Variants in KIAA1614 observed in about 807,000 individuals in gnomAD.
KIAA1614 encodes the protein KIAA1614, also known as uncharacterized protein KIAA1614.
Under a neutral mutation model 88.7 loss-of-function variants are expected in KIAA1614, and 76 were observed. The ratio of observed to expected loss-of-function variants is 0.86; its 90% confidence interval spans 0.71 to 1.04. The LOEUF is 1.04. KIAA1614 is among the 50% of genes least tolerant of loss of function. The pLI, the probability that KIAA1614 is intolerant of heterozygous loss-of-function variation, is 0.00. For missense variants in KIAA1614, 1,553 were observed against 1,582.5 expected (o/e 0.98, Z 0.32); for synonymous variants, 714 against 675.5 (o/e 1.06, Z -0.88).
chr1:180,921,055 A>G (rs1653943401), intron 3 of KIAA1614, among the ~76,000 whole-genome samples: 1 of 152,166 alleles, frequency 6.6e-6, no homozygotes, highest in African/African-American at 2.4e-5. Flanking sequence ...ACCACCAAAC[A>G]GGCTTTGTGT....
rs1490518069 is a variant in KIAA1614 at position 180,938,624 on chromosome 1, T to C, written c.2831T>C (p.Leu944Pro). Residue 944 changes from leucine to proline, a missense_variant, in exon 6 of 9, where the codon CTG becomes CCG. By Grantham distance (98) the Leu-to-Pro change is moderately conservative. Coordinates refer to ENST00000367588, the MANE Select transcript of KIAA1614 (RefSeq NM_020950.2). Reference protein sequence around the residue: ...TINSTGITLSLSSEESESSKE... With the variant: ...TINSTGITLSPSSEESESSKE... The stretch of plus-strand genomic sequence containing the variant: ...AACTCCACGGGCATCACCCTCTCCC[T>C]GTCCTCAGAGGAGTCAGAGTCCAGC... 10 of 1,614,044 alleles carry C rather than the reference T, an allele frequency of 6.2e-6. No homozygotes were observed. The Admixed American group carries it at 1.0e-4, about 16-fold the overall frequency.
chr1:180,935,193 C>A lies in KIAA1614; in HGVS notation c.1284C>A (p.Ser428Arg). Residue 428 changes from serine to arginine, a missense_variant, in exon 5 of 9, where the codon AGC (serine) becomes AGA (arginine). Transcript: ENST00000367588. The surrounding 1 kb of genome is among the most constrained non-coding windows in gnomAD (Gnocchi z 6.1). Reference protein sequence around the residue: ...CRDSLQNGHTSDSSSGESSGG... With the variant: ...CRDSLQNGHTRDSSSGESSGG... The stretch of plus-strand genomic sequence containing the variant: ...ACAGCCTCCAGAACGGGCACACGAG[C>A]GATTCCTCCAGCGGAGAGTCCAGCG... 1 of 1,486,190 alleles carries A rather than the reference C, an allele frequency of 6.7e-7. No individual in the cohort carries two copies. The highest frequency in any genetic ancestry group is 1.4e-5 in the South Asian group (1 of 72,270). 92.1% of individuals were successfully genotyped at this position (1,486,190 alleles called of 1,614,324 possible).
chr1:180,933,032 G>A (rs944211091), intron 4 of KIAA1614, among the ~76,000 whole-genome samples: 3 of 152,172 alleles, frequency 2.0e-5, no homozygotes, highest in African/African-American at 7.2e-5. Context: ...GAGCCACTGC[G>A]CCTGGCCAGC....
rs182067188 is a variant in KIAA1614 at position 180,931,032 on chromosome 1, A to G, written c.1205+2459A>G. 3.4e-3 allele frequency among the ~76,000 whole-genome samples: 512 copies of G among 152,332 alleles called. 6 individuals are homozygous for G. The highest frequency in any genetic ancestry group is 9.8e-3 in the African/African-American group (407 of 41,572). On this transcript the variant is annotated intron_variant, in intron 4 of 8. Coordinates refer to ENST00000367588, the MANE Select transcript of KIAA1614 (RefSeq NM_020950.2). Reference sequence around the variant, plus strand: ...GGAGGGGCAGGCAGAGCAGTCTCAGAGGGCCTTCTTTATCCTAGGTCTGGC... The same window carrying G: ...GGAGGGGCAGGCAGAGCAGTCTCAGGGGGCCTTCTTTATCCTAGGTCTGGC...
chr1:180,926,169 AT>A (rs898586963), intron 3 of KIAA1614, among the ~76,000 whole-genome samples: 2 of 152,148 alleles, frequency 1.3e-5, no homozygotes, highest in Admixed American at 6.5e-5. Flanking sequence ...CCTTCTAGGA[AT>A]TTTCCAGAGC....
Position 180,949,349 on chromosome 1 carries a change from T to A in KIAA1614, c.*3761T>A, listed in dbSNP as rs994349177. On this transcript the variant is annotated 3_prime_UTR_variant, in exon 9 of 9. Transcript: ENST00000367588. ...GTCCACCCAGCATGAAGCATGGGCA[T>A]CAGGGGGTCCAGCCTGCCCTGGGAG... The A allele has an allele frequency of 2.0e-5, 3 of 152,336 alleles. No homozygotes were observed. Among genetic ancestry groups the A allele is most frequent in the Non-Finnish European group, 2.9e-5 (2 of 68,108 alleles). The allele number at this position is 152,336 out of a possible 1,614,324, so 9.4% of individuals were successfully genotyped here.
chr1:180,928,527 C>T lies in KIAA1614; in HGVS notation c.1159C>T (p.Leu387Phe), dbSNP rs753067965. Residue 387 changes from leucine (L) to phenylalanine (F), a missense_variant, in exon 4 of 9, where the codon CTC becomes TTC. Coordinates refer to ENST00000367588, the MANE Select transcript of KIAA1614 (RefSeq NM_020950.2). ...CCGCATGAAGGCCAGGACCCGGCCC[C>T]TCCGTGCCAGCCATGACATCGTGCC... is the stretch of plus-strand genomic sequence containing the variant. ...RARMKARTRPLRASHDIVPTI... is the reference protein window; with the variant it reads ...RARMKARTRPFRASHDIVPTI... 12 of 1,612,888 alleles carry T rather than the reference C, an allele frequency of 7.4e-6. No individual in the cohort carries two copies. The highest frequency in any genetic ancestry group is 1.0e-5 in the Non-Finnish European group (12 of 1,179,944).
Position 180,935,231 on chromosome 1 carries a change from C to T in KIAA1614, c.1322C>T (p.Pro441Leu), listed in dbSNP as rs144390511. ...GGAGAGTCCAGCGGTGGGCACAGGCCGAGGCGGGGCCCCTCGCCGTCGCAC... is the reference window on the plus strand; with the variant it reads ...GGAGAGTCCAGCGGTGGGCACAGGCTGAGGCGGGGCCCCTCGCCGTCGCAC... ...SSGESSGGHR[P>L]RRGPSPSHVR... Residue 441 changes from proline (P) to leucine (L), a missense_variant, in exon 5 of 9, where the codon CCG becomes CTG. By Grantham distance (98) the Pro-to-Leu change is moderately conservative. Transcript: ENST00000367588. The surrounding 1 kb of genome is among the most constrained non-coding windows in gnomAD (Gnocchi z 6.1). 1.1e-3 allele frequency: 1,636 copies of T among 1,533,990 alleles called. 28 individuals are homozygous for T. The East Asian group carries it at 0.029, about 27-fold the overall frequency.
chr1:180,915,682 G>A (rs1263603410), intron 1 of KIAA1614, among the ~76,000 whole-genome samples: 1 of 152,104 alleles, frequency 6.6e-6, no homozygotes, highest in African/African-American at 2.4e-5. Context: ...AACCAATAGC[G>A]GTCCACAGCC....
chr1:180,932,595 A>T (rs931509205), intron 4 of KIAA1614, among the ~76,000 whole-genome samples: 5 of 152,208 alleles, frequency 3.3e-5, no homozygotes, highest in Non-Finnish European at 7.3e-5. Context: ...AGTTCCAGAA[A>T]ACAGGCTGAC....
Position 180,947,812 on chromosome 1 carries a change from T to G in KIAA1614, c.*2224T>G, listed in dbSNP as rs1386565580. ...TACCTAGAAGAGTCATAAGGAGCAT[T>G]TGGTAAGGCACACAGGAAAGGGCCT... On this transcript the variant is annotated 3_prime_UTR_variant, in exon 9 of 9. Transcript: ENST00000367588. 1 of 152,120 alleles carries G rather than the reference T, an allele frequency of 6.6e-6. No homozygotes were observed. Among genetic ancestry groups the G allele is most frequent in the Non-Finnish European group, 1.5e-5 (1 of 68,012 alleles). 9.4% of individuals were successfully genotyped at this position (152,120 alleles called of 1,614,324 possible).
chr1:180,928,252 G>GCCCCAGGCCCCAGGC, intron 3 of KIAA1614, 178 bp from the exon 4 acceptor site: 1 of 715,208 alleles, frequency 1.4e-6, no homozygotes, highest in Non-Finnish European at 2.2e-6. Flanking sequence ...CCAGCCCCAG[G>GCCCCAGGCCCCAGGC]CCCCAGGCCC....
intron 3 of KIAA1614, among the ~76,000 whole-genome samples, chr1:180,920,668 C>T (rs2102257983): frequency 6.7e-6 from 1 of 149,716 alleles, no homozygotes; most frequent in East Asian, 2.0e-4. Context: ...TAGCTCATGA[C>T]ATGATGGTGA....
chr1:180,913,989 G>C (rs1653720459), intron 1 of KIAA1614: 1 of 152,124 alleles, frequency 6.6e-6, no homozygotes, highest in Admixed American at 6.6e-5. Context: ...TATAAAATAT[G>C]TGCATTCCTG....
In KIAA1614 at chr1:180,951,176, A is replaced by G. The variant is rs908234253; in HGVS notation, c.*5588A>G. On this transcript the variant is annotated 3_prime_UTR_variant, in exon 9 of 9. Coordinates refer to ENST00000367588, the MANE Select transcript of KIAA1614 (RefSeq NM_020950.2). ...GGTAGCCAGAATATTAAAAATTTCT[A>G]GGAAAATTTTTTTATACATAAAGTT... 33 of 152,102 alleles carry G rather than the reference A, an allele frequency of 2.2e-4. No individual in the cohort carries two copies. The highest frequency in any genetic ancestry group is 2.2e-3 in the Admixed American group (33 of 15,230). 9.4% of individuals were successfully genotyped at this position (152,102 alleles called of 1,614,324 possible).
chr1:180,936,658 A>G lies in KIAA1614; in HGVS notation c.2749A>G (p.Asn917Asp). The change falls in exon 5 of 9, where the codon AAC (asparagine) becomes GAC (aspartate). Residue 917 changes from asparagine to aspartate, a missense_variant. Asn to Asp is a conservative substitution (Grantham distance 23, BLOSUM62 1). Transcript: ENST00000367588. The stretch of plus-strand genomic sequence containing the variant: ...CCGGGAACCGGAGCCGCCCCTGGAG[A>G]ACAGCAGAGATGGTAAGGGGCTGCC... Reference protein sequence around the residue: ...CSREPEPPLENSRDGGPQGFL... With the variant: ...CSREPEPPLEDSRDGGPQGFL... 1 of 1,534,600 alleles carries G rather than the reference A, an allele frequency of 6.5e-7. No homozygotes were observed. Among genetic ancestry groups the G allele is most frequent in the Admixed American group, 2.0e-5 (1 of 49,430 alleles).
chr1:180,925,153 C>T (rs952276229), intron 3 of KIAA1614, among the ~76,000 whole-genome samples: 19 of 152,128 alleles, frequency 1.2e-4, no homozygotes, highest in East Asian at 1.9e-4. Flanking sequence ...CTGTCCATGT[C>T]CTGCAGACCT....
chr1:180,943,548 A>ATTTTTTTTTTTTTT lies in KIAA1614; in HGVS notation c.3160-840_3160-839insTTTTTTTTTTTTTT, dbSNP rs201999726. Among the ~76,000 whole-genome samples, 59 of 74,880 alleles carry ATTTTTTTTTTTTTT rather than the reference A, an allele frequency of 7.9e-4. 8 individuals carry two copies. Among genetic ancestry groups the ATTTTTTTTTTTTTT allele is most frequent in the East Asian group, 1.5e-3 (4 of 2,592 alleles). 49.1% of individuals were successfully genotyped at this position (74,880 alleles called of 152,430 possible). A position where few individuals can be genotyped will look rare whatever the true frequency, so the allele number is the denominator to read the frequency against. ...GGATTGTAGGATTGAATGGTAGTAG[A>ATTTTTTTTTTTTTT]TCTTTTTTTTTTTTTTTTGAGACAG... On this transcript the variant is annotated intron_variant, in intron 7 of 8. Transcript: ENST00000367588.
At position 180,938,805 on chromosome 1, in the gene KIAA1614, A is replaced by C. The variant is rs984550650; in HGVS notation, c.2918+94A>C. ...ACCCCCTGGAGTGGTGGCATGACCC[A>C]CCTCCCTGCCCCTAGTCTTCAGAGG... On this transcript the variant is annotated intron_variant, in intron 6 of 8. Transcript: ENST00000367588. The C allele has an allele frequency of 6.1e-5, 71 of 1,167,632 alleles. No homozygotes were observed. In the Middle Eastern group the frequency reaches 1.0e-3, roughly 17 times the overall value. 72.3% of individuals were successfully genotyped at this position (1,167,632 alleles called of 1,614,324 possible). A position where few individuals can be genotyped will look rare whatever the true frequency, so the allele number is the denominator to read the frequency against.
Sources: allele counts gnomAD v4.1 joint callset (sites outside exome capture counted in the v4.1 genomes callset), GRCh38; gene constraint gnomAD v4.1.1; non-coding constraint Gnocchi (gnomAD v3.1); transcripts MANE v1.5; gene names NCBI Gene and HGNC (gene_info 2026-07-23, HGNC 2026-07-21).